BIN2: variants seen among roughly 807,000 people sequenced by gnomAD.
BIN2 encodes the protein breast cancer associated protein BRAP1.
Under a neutral mutation model 67.9 loss-of-function variants are expected in BIN2, and 43 were observed. That is an observed-to-expected ratio of 0.63 (90% CI 0.50 to 0.82). The LOEUF is 0.82. BIN2 is among the 40% of genes least tolerant of loss of function. The pLI is 0.00. For synonymous variants in BIN2, 244 were observed against 246.8 expected, an observed-to-expected ratio of 0.99 and a Z score of 0.11; for missense variants, 581 against 671.6, an observed-to-expected ratio of 0.87 and a Z score of 1.49.
chr12:51,308,975 C>T (rs1945933636), intron 2 of BIN2, among the ~76,000 whole-genome samples: 1 of 151,222 alleles, frequency 6.6e-6, no homozygotes, highest in South Asian at 2.1e-4. Context: ...AAAACAACAA[C>T]AAAAACAAAA....
Position 51,303,130 on chromosome 12 carries a change from G to T in BIN2, c.174C>A (p.His58Gln). 1 of 1,614,140 alleles carries T rather than the reference G, an allele frequency of 6.2e-7. No individual in the cohort carries two copies. The highest frequency in any genetic ancestry group is 8.5e-7 in the Non-Finnish European group (1 of 1,179,974). Residue 58 changes from histidine (H) to glutamine (Q), a missense_variant, in exon 3 of 13, where the codon CAC becomes CAA. By Grantham distance (24) the His-to-Gln change is conservative. Coordinates refer to ENST00000615107, the MANE Select transcript of BIN2 (RefSeq NM_016293.4). Reference sequence around the variant, plus strand: ...AGTTCTTCAGGTCCTTGTACAGCTTGTGGCCTTCTGCCTGAAAGAGAAAAG... The same window carrying T: ...AGTTCTTCAGGTCCTTGTACAGCTTTTGGCCTTCTGCCTGAAAGAGAAAAG... ...SNFYQQQAEG[H>Q]KLYKDLKNFL...
chr12:51,286,382 G>A (rs1480956706), intron 11 of BIN2, among the ~76,000 whole-genome samples: 1 of 152,138 alleles, frequency 6.6e-6, no homozygotes, highest in Non-Finnish European at 1.5e-5. Flanking sequence ...TAAGAGTAAG[G>A]AAATATTATA....
At chr12:51,324,316 T>G, upstream of BIN2, 2 of 1,349,264 alleles carry the variant, frequency 1.5e-6, no homozygotes, top group Admixed American at 3.1e-5. Context: ...GGGCCTACCC[T>G]CAGGCAGCGC....
At chr12:51,293,318 T>A (rs1256593980) in intron 9 of BIN2, among the ~76,000 whole-genome samples, 2 of 152,132 alleles carry the variant, frequency 1.3e-5, no homozygotes, top group Non-Finnish European at 2.9e-5. Context: ...TTTATTTTTT[T>A]ATTTTTTTTG....
chr12:51,300,101 G>A (rs916130931), intron 5 of BIN2, among the ~76,000 whole-genome samples: 1 of 152,028 alleles, frequency 6.6e-6, no homozygotes, highest in Non-Finnish European at 1.5e-5. Flanking sequence ...GCCTCCCAAA[G>A]TGCTGGGATT....
At chr12:51,301,991 A>G in intron 5 of BIN2, 29 bp downstream of exon 5, 1 of 1,528,726 alleles carries the variant, frequency 6.5e-7, no homozygotes, top group Non-Finnish European at 9.1e-7. Context: ...GTCATCCACA[A>G]CCCAGCCTTG....
chr12:51,281,238 A>G lies in BIN2; in HGVS notation c.*261T>C. On this transcript the variant is annotated 3_prime_UTR_variant, in exon 13 of 13. Transcript: ENST00000615107. ...TAAAGCTCCACTTTAGTTAATGTAT[A>G]AAGTCTTATTCTAATAATGCTAAAA... 1.9e-6 allele frequency: 1 copy of G among 517,670 alleles called. No individual in the cohort carries two copies. Among genetic ancestry groups the G allele is most frequent in the Non-Finnish European group, 3.5e-6 (1 of 287,528 alleles). The allele number at this position is 517,670 out of a possible 1,614,324, so 32.1% of individuals were successfully genotyped here.
Position 51,311,168 on chromosome 12 carries a change from C to T in BIN2, c.162+2655G>A, listed in dbSNP as rs553619242. ...CTGGAGTGCAGTGGCACAATCACAGCTCACTGCTCAGTAGCTGGGACCACA... is the reference window on the plus strand; with the variant it reads ...CTGGAGTGCAGTGGCACAATCACAGTTCACTGCTCAGTAGCTGGGACCACA... On this transcript the variant is annotated intron_variant, in intron 2 of 12. Transcript: ENST00000615107. Among the ~76,000 whole-genome samples, 137 of 151,250 alleles carry T rather than the reference C, an allele frequency of 9.1e-4. 1 individual carries two copies. The highest frequency in any genetic ancestry group is 1.6e-3 in the Non-Finnish European group (106 of 67,896).
intron 5 of BIN2, among the ~76,000 whole-genome samples, chr12:51,301,084 G>A (rs1945709008): frequency 6.6e-6 from 1 of 152,150 alleles, no homozygotes; most frequent in Admixed American, 6.6e-5. Flanking sequence ...TGGGCTTGGT[G>A]ACGCATGCCT....
chr12:51,323,338 T>C (rs1946336939), intron 1 of BIN2: 1 of 150,930 alleles, frequency 6.6e-6, no homozygotes, highest in South Asian at 2.1e-4. Context: ...AAGTAATAGA[T>C]GGGCAGCCCA....
intron 10 of BIN2, among the ~76,000 whole-genome samples, chr12:51,289,893 G>A (rs946150211): frequency 5.3e-5 from 8 of 151,510 alleles, no homozygotes; most frequent in Non-Finnish European, 1.5e-5. Context: ...GTGAGTTCCT[G>A]CTTCTAGGTC....
Position 51,292,292 on chromosome 12 carries a change from A to T in BIN2, c.814T>A (p.Ser272Thr). The T allele has an allele frequency of 6.2e-7, 1 of 1,600,260 alleles. No individual in the cohort carries two copies. Among genetic ancestry groups the T allele is most frequent in the Non-Finnish European group, 8.5e-7 (1 of 1,179,576 alleles). The stretch of plus-strand genomic sequence containing the variant: ...CTAGTAGGTGAGGTAAGAGGACTGG[A>T]GACTGTAGCTGTTCGAACTGGGGGA... ...ISPPVRTATV[S>T]SPLTSPTSPS... The change falls in exon 10 of 13, where the codon TCC becomes ACC. Residue 272 changes from serine (S) to threonine (T), a missense_variant. Physicochemically the swap from Ser to Thr is moderately conservative, Grantham distance 58. Transcript: ENST00000615107.
intron 2 of BIN2, among the ~76,000 whole-genome samples, chr12:51,310,785 G>C (rs1945972943): frequency 6.6e-6 from 1 of 151,922 alleles, no homozygotes; most frequent in Non-Finnish European, 1.5e-5. Flanking sequence ...TTTTGAGATA[G>C]GGTCTCACTT....
rs534447282 is a variant in BIN2 at position 51,313,184 on chromosome 12, G to GAGGAAGGAAGGAAGGAAGGA, written c.162+619_162+638dup. ...ACCTGGAAGGTTGAGGTTGCAGTGAGAGGAAGGAAGGAAGGAAGGAAGGAA... is the reference window on the plus strand; with the variant it reads ...ACCTGGAAGGTTGAGGTTGCAGTGAGAGGAAGGAAGGAAGGAAGGAAGGAAGGAAGGAAGGAAGGAAGGAA... On this transcript the variant is annotated intron_variant, in intron 2 of 12. Transcript: ENST00000615107. Among the ~76,000 whole-genome samples, 234 of 113,828 alleles carry GAGGAAGGAAGGAAGGAAGGA rather than the reference G, an allele frequency of 2.1e-3. 2 individuals are homozygous for GAGGAAGGAAGGAAGGAAGGA. The highest frequency in any genetic ancestry group is 7.0e-3 in the African/African-American group (194 of 27,858). 74.7% of individuals were successfully genotyped at this position (113,828 alleles called of 152,430 possible). A position where few individuals can be genotyped will look rare whatever the true frequency, so the allele number is the denominator to read the frequency against.
chr12:51,281,746 C>T (rs1945123910), intron 12 of BIN2, among the ~76,000 whole-genome samples: 1 of 152,046 alleles, frequency 6.6e-6, no homozygotes, highest in African/African-American at 2.4e-5. Context: ...TGATGATTCA[C>T]AGGAGAATTT....
intron 11 of BIN2, among the ~76,000 whole-genome samples, chr12:51,286,521 TC>T (rs1274805526): frequency 6.6e-6 from 1 of 152,128 alleles, no homozygotes. Context: ...TATAAACTCC[TC>T]CCTTCAAAAA....
intron 2 of BIN2, among the ~76,000 whole-genome samples, chr12:51,308,599 A>G (rs1354028499): frequency 6.6e-6 from 1 of 152,226 alleles, no homozygotes; most frequent in African/African-American, 2.4e-5. Context: ...CAAGTGTTGA[A>G]GTGATCAAGT....
intron 8 of BIN2, 38 bp downstream of exon 8, chr12:51,297,051 A>G (rs1234661601): frequency 6.5e-6 from 10 of 1,546,220 alleles, no homozygotes; most frequent in Non-Finnish European, 8.0e-6. Context: ...TTACTAGAAA[A>G]CACACCTAGG....
intron 11 of BIN2, among the ~76,000 whole-genome samples, chr12:51,285,556 AT>A (rs1945214855): frequency 6.6e-6 from 1 of 152,146 alleles, no homozygotes; most frequent in African/African-American, 2.4e-5. Flanking sequence ...AAAACATGAA[AT>A]TTAATTTACA....
Sources: gnomAD v4.1 joint callset for allele counts (sites outside exome capture counted in the v4.1 genomes callset) on GRCh38, gnomAD v4.1.1 for gene constraint, MANE v1.5 for transcripts, NCBI Gene and HGNC (gene_info 2026-07-23, HGNC 2026-07-21) for gene names.